Variants in DNAJC15 observed in about 807,000 individuals in gnomAD.
DNAJC15 encodes the protein dnaJ homolog subfamily C member 15.
In DNAJC15, 27 loss-of-function variants were observed where a neutral mutation model predicts 22.4. The ratio of observed to expected loss-of-function variants is 1.20; its 90% CI spans 0.89 to 1.66. DNAJC15 has a LOEUF of 1.66. DNAJC15 is among the 40% of genes most tolerant of loss of function. The pLI, the probability that DNAJC15 is intolerant of heterozygous loss-of-function variation, is 0.00. For missense variants in DNAJC15, 208 were observed against 187.1 expected, an observed-to-expected ratio of 1.11 and a Z score of -0.65; for synonymous variants, 79 against 63.2, an observed-to-expected ratio of 1.25 and a Z score of -1.19.
chr13:43,091,133 G>A (rs1027018983), intron 5 of DNAJC15, among the ~76,000 whole-genome samples: 1 of 151,814 alleles, frequency 6.6e-6, no homozygotes, highest in African/African-American at 2.4e-5. Context: ...CACCTAGGCT[G>A]GAGTGCAGTG....
At chr13:43,094,057 T>C (rs1376179911) in intron 5 of DNAJC15, among the ~76,000 whole-genome samples, 1 of 152,238 alleles carries the variant, frequency 6.6e-6, no homozygotes, top group Non-Finnish European at 1.5e-5. Context: ...GCAGATATTC[T>C]TCCTTGCTAT....
chr13:43,050,358 T>C (rs913403571), intron 1 of DNAJC15, among the ~76,000 whole-genome samples: 1 of 152,108 alleles, frequency 6.6e-6, no homozygotes, highest in Non-Finnish European at 1.5e-5. Flanking sequence ...CAAGCTGAAG[T>C]ACAGTGGCAT....
chr13:43,033,575 T>A (rs890749055), intron 1 of DNAJC15, among the ~76,000 whole-genome samples: 10 of 152,262 alleles, frequency 6.6e-5, no homozygotes, highest in Admixed American at 3.3e-4. Flanking sequence ...TGCTTGTGGC[T>A]GTGACAGTTT....
At position 43,091,239 on chromosome 13, in the gene DNAJC15, C is replaced by A. The variant is rs577592977; in HGVS notation, c.382+5401C>A. ...AGCTGGGACTACAGGTGTGTGCCAC[C>A]ACGCCTGGCTAATTTTTGTAGATTA... On this transcript the variant is annotated intron_variant, in intron 5 of 5. Coordinates refer to ENST00000379221, the MANE Select transcript of DNAJC15 (RefSeq NM_013238.3). Among the ~76,000 whole-genome samples the A allele has an allele frequency of 6.6e-5, 10 of 152,234 alleles. 1 individual carries two copies. The highest frequency in any genetic ancestry group is 2.4e-4 in the African/African-American group (10 of 41,558).
At chr13:43,063,687 CTGTGTA>C (rs2040570329) in intron 1 of DNAJC15, among the ~76,000 whole-genome samples, 2 of 152,032 alleles carry the variant, frequency 1.3e-5, no homozygotes. Flanking sequence ...TGGAGGAAGC[CTGTGTA>C]TATTTGGATA....
intron 1 of DNAJC15, among the ~76,000 whole-genome samples, chr13:43,053,412 T>G (rs2040514715): frequency 6.6e-6 from 1 of 152,202 alleles, no homozygotes; most frequent in South Asian, 2.1e-4. Flanking sequence ...CGTATGAATT[T>G]TAGGATTGTT....
intron 1 of DNAJC15, among the ~76,000 whole-genome samples, chr13:43,028,558 T>G (rs2040390727): frequency 6.6e-6 from 1 of 152,170 alleles, no homozygotes; most frequent in African/African-American, 2.4e-5. Flanking sequence ...TTTTTATGAG[T>G]TTAACATGAT....
rs548476675 is a variant in DNAJC15 at position 43,047,817 on chromosome 13, A to G, written c.109-17869A>G. Among the ~76,000 whole-genome samples the G allele has an allele frequency of 4.6e-5, 7 of 152,302 alleles. No homozygotes were observed. The South Asian group carries it at 8.3e-4, about 18-fold the overall frequency. ...CTTATTTAGAAAGTAAAAGTTTAGT[A>G]CGAGCCATGAGGAATGGGAAAGGGT... On this transcript the variant is annotated intron_variant, in intron 1 of 5. Coordinates refer to ENST00000379221, the MANE Select transcript of DNAJC15 (RefSeq NM_013238.3).
chr13:43,051,735 TTG>T (rs2040505236), intron 1 of DNAJC15, among the ~76,000 whole-genome samples: 1 of 152,092 alleles, frequency 6.6e-6, no homozygotes. Flanking sequence ...CAATTGTGAA[TTG>T]TGCTGCCATA....
chr13:43,030,833 CTT>C (rs2040401243), intron 1 of DNAJC15, among the ~76,000 whole-genome samples: 1 of 152,134 alleles, frequency 6.6e-6, no homozygotes, highest in Admixed American at 6.5e-5. Context: ...TAGTAAATGT[CTT>C]TTCAAGGGTA....
At chr13:43,089,834 T>C (rs1264974589) in intron 5 of DNAJC15, among the ~76,000 whole-genome samples, 1 of 152,226 alleles carries the variant, frequency 6.6e-6, no homozygotes, top group East Asian at 1.9e-4. Flanking sequence ...TATACTTTAA[T>C]TGAAGTGTAA....
At chr13:43,060,296 G>A (rs1409846904) in intron 1 of DNAJC15, among the ~76,000 whole-genome samples, 2 of 152,182 alleles carry the variant, frequency 1.3e-5, no homozygotes, top group African/African-American at 2.4e-5. Flanking sequence ...GGGTAATATT[G>A]TGGGGTTGTT....
At chr13:43,036,854 G>A (rs2040431232) in intron 1 of DNAJC15, among the ~76,000 whole-genome samples, 1 of 152,274 alleles carries the variant, frequency 6.6e-6, no homozygotes, top group African/African-American at 2.4e-5. Flanking sequence ...CGGCTGGGTT[G>A]AGACAGTGCC....
At chr13:43,054,573 A>G (rs920757358) in intron 1 of DNAJC15, among the ~76,000 whole-genome samples, 2 of 151,976 alleles carry the variant, frequency 1.3e-5, no homozygotes, top group African/African-American at 4.8e-5. Context: ...TTACCATTTC[A>G]GTCTCACTTA....
rs536761028 is a variant in DNAJC15 at position 43,045,929 on chromosome 13, A to G, written c.109-19757A>G. 8.5e-5 allele frequency among the ~76,000 whole-genome samples: 13 copies of G among 152,308 alleles called. No homozygotes were observed. In the South Asian group the frequency reaches 1.0e-3, roughly 12 times the overall value. On this transcript the variant is annotated intron_variant, in intron 1 of 5. Coordinates refer to ENST00000379221, the MANE Select transcript of DNAJC15 (RefSeq NM_013238.3). ...CTTGCTAAAATGTACCTTCATGAGGATAGGGATTTTGTCTGATATATCCCT... is the reference window on the plus strand; with the variant it reads ...CTTGCTAAAATGTACCTTCATGAGGGTAGGGATTTTGTCTGATATATCCCT...
chr13:43,091,812 T>C (rs1250508714), intron 5 of DNAJC15, among the ~76,000 whole-genome samples: 1 of 152,220 alleles, frequency 6.6e-6, no homozygotes. Context: ...TTGACATGCA[T>C]TCCCTCATTT....
chr13:43,058,103 G>C (rs951750693), intron 1 of DNAJC15, among the ~76,000 whole-genome samples: 2 of 152,132 alleles, frequency 1.3e-5, no homozygotes, highest in African/African-American at 4.8e-5. Flanking sequence ...GACAGACTCA[G>C]GACCTCTGGT....
intron 4 of DNAJC15, among the ~76,000 whole-genome samples, chr13:43,080,859 A>G (rs984725294): frequency 6.6e-6 from 1 of 152,248 alleles, no homozygotes; most frequent in Non-Finnish European, 1.5e-5. Flanking sequence ...TTAAGTGGAA[A>G]GGTAAATGAA....
chr13:43,054,138 CTT>C (rs2040518596), intron 1 of DNAJC15, among the ~76,000 whole-genome samples: 1 of 152,176 alleles, frequency 6.6e-6, no homozygotes, highest in Non-Finnish European at 1.5e-5. Context: ...TTGTCAAATG[CTT>C]TTTCTGTGCC....
Sources: gnomAD v4.1 joint callset for allele counts (sites outside exome capture counted in the v4.1 genomes callset) on GRCh38, gnomAD v4.1.1 for gene constraint, MANE v1.5 for transcripts, NCBI Gene and HGNC (gene_info 2026-07-23, HGNC 2026-07-21) for gene names.